Variants in STIMATE observed in about 807,000 individuals in gnomAD.
STIMATE encodes the protein STIM activating enhancer, also known as store-operated calcium entry regulator STIMATE.
In STIMATE, 15 loss-of-function variants were observed where a neutral mutation model predicts 36.7. That is an observed-to-expected ratio of 0.41 (90% CI 0.27 to 0.63). The LOEUF (loss-of-function observed/expected upper bound fraction) is 0.63. STIMATE is among the 20% of genes least tolerant of loss of function. The pLI is 0.32. For missense variants in STIMATE, 305 were observed against 397.3 expected, an observed-to-expected ratio of 0.77 and a Z score of 1.98; for synonymous variants, 163 against 162.3, an observed-to-expected ratio of 1.00 and a Z score of -0.03.
intron 1 of STIMATE, among the ~76,000 whole-genome samples, chr3:52,886,849 G>A (rs1265770415): frequency 6.6e-6 from 1 of 152,212 alleles, no homozygotes; most frequent in Non-Finnish European, 1.5e-5. Flanking sequence ...CACTGAGTAG[G>A]CCATGGCATC....
chr3:52,864,519 C>T (rs1477155949), intron 1 of STIMATE, among the ~76,000 whole-genome samples: 1 of 152,206 alleles, frequency 6.6e-6, no homozygotes, highest in Non-Finnish European at 1.5e-5. Flanking sequence ...ACATTTTCCC[C>T]ATGATCTTGG....
At chr3:52,861,531 T>G (rs931714573) in intron 1 of STIMATE, among the ~76,000 whole-genome samples, 2 of 152,196 alleles carry the variant, frequency 1.3e-5, no homozygotes, top group African/African-American at 2.4e-5. Context: ...ATGTGACTTT[T>G]GTATATCACA....
In STIMATE at chr3:52,840,571, C is replaced by G; in HGVS notation, c.808G>C (p.Val270Leu). The G allele has an allele frequency of 1.2e-6, 2 of 1,614,056 alleles. No homozygotes were observed. The highest frequency in any genetic ancestry group is 2.2e-5 in the East Asian group (1 of 44,864). Residue 270 changes from valine to leucine, a missense_variant, in exon 8 of 8, where the codon GTG becomes CTG. Around this residue, in one of 3 missense-constraint regions of STIMATE, gnomAD observed 84 missense variants for 82.4 expected, o/e 1.02. Coordinates refer to ENST00000355083, the MANE Select transcript of STIMATE (RefSeq NM_198563.5). ...SADDEMEESDVEEDLRRLTPL... is the reference protein window; with the variant it reads ...SADDEMEESDLEEDLRRLTPL... ...GTCAGTCTGCGGAGGTCCTCCTCCACGTCGGACTCCTCCATCTCATCATCC... is the reference window on the plus strand; with the variant it reads ...GTCAGTCTGCGGAGGTCCTCCTCCAGGTCGGACTCCTCCATCTCATCATCC...
At chr3:52,854,962 TAGGACCAAGAAAG>T (rs1701069144) in intron 2 of STIMATE, among the ~76,000 whole-genome samples, 1 of 152,344 alleles carries the variant, frequency 6.6e-6, no homozygotes, top group East Asian at 1.9e-4. Context: ...TCCTTTATGC[TAGGACCAAGAAAG>T]ACTCGTTTGG....
At chr3:52,870,547 C>T (rs1178465589) in intron 1 of STIMATE, among the ~76,000 whole-genome samples, 1 of 151,918 alleles carries the variant, frequency 6.6e-6, no homozygotes, top group Non-Finnish European at 1.5e-5. Context: ...GAGAGAAACA[C>T]GAAGCCATCA....
intron 1 of STIMATE, among the ~76,000 whole-genome samples, chr3:52,866,506 A>T (rs1701315627): frequency 6.6e-6 from 1 of 152,018 alleles, no homozygotes; most frequent in South Asian, 2.1e-4. Context: ...GGTGGTGCTC[A>T]CTCTCCCAGA....
chr3:52,891,965 G>A (rs1292708598), intron 1 of STIMATE, among the ~76,000 whole-genome samples: 3 of 152,176 alleles, frequency 2.0e-5, no homozygotes, highest in Admixed American at 6.5e-5. Flanking sequence ...TGTTACTGGG[G>A]AGAAAACTGA....
chr3:52,867,842 A>C (rs1285499103), intron 1 of STIMATE, among the ~76,000 whole-genome samples: 1 of 152,234 alleles, frequency 6.6e-6, no homozygotes, highest in East Asian at 1.9e-4. Context: ...GAATCACCCC[A>C]GCAGTTAGTA....
intron 3 of STIMATE, among the ~76,000 whole-genome samples, chr3:52,850,449 A>AAAAC (rs1700978577): frequency 6.6e-6 from 1 of 151,866 alleles, no homozygotes. Context: ...AAAACAAAAC[A>AAAAC]AAAACCTGCC....
At chr3:52,866,905 C>T (rs1701322971) in intron 1 of STIMATE, among the ~76,000 whole-genome samples, 1 of 152,160 alleles carries the variant, frequency 6.6e-6, no homozygotes, top group African/African-American at 2.4e-5. Context: ...AGATTAAACA[C>T]TCAATTTAAG....
At chr3:52,865,524 C>T (rs371903361) in intron 1 of STIMATE, among the ~76,000 whole-genome samples, 11 of 152,138 alleles carry the variant, frequency 7.2e-5, no homozygotes, top group Admixed American at 2.0e-4. Flanking sequence ...TTTTATATGG[C>T]GGCGGCAAGA....
chr3:52,860,810 G>C (rs1335242398), intron 1 of STIMATE, among the ~76,000 whole-genome samples: 1 of 152,248 alleles, frequency 6.6e-6, no homozygotes, highest in Non-Finnish European at 1.5e-5. Flanking sequence ...GGCTGGGGCT[G>C]ACTCGGGAGG....
intron 4 of STIMATE, chr3:52,847,101 G>T: frequency 1.9e-6 from 1 of 527,526 alleles, no homozygotes; most frequent in Non-Finnish European, 2.4e-6. Flanking sequence ...GTAGAGACGG[G>T]ATCTTGCTTT....
intron 1 of STIMATE, among the ~76,000 whole-genome samples, chr3:52,859,796 C>A (rs1443554587): frequency 1.3e-5 from 2 of 151,986 alleles, no homozygotes; most frequent in Non-Finnish European, 2.9e-5. Flanking sequence ...ACAAACCTAT[C>A]TCAGAGATTT....
At chr3:52,896,614 G>A (rs903939056) in intron 1 of STIMATE, among the ~76,000 whole-genome samples, 1 of 152,156 alleles carries the variant, frequency 6.6e-6, no homozygotes, top group South Asian at 2.1e-4. Flanking sequence ...TATAGATGCG[G>A]CTTATTAGGA....
chr3:52,881,646 G>A (rs1446140092), intron 1 of STIMATE, among the ~76,000 whole-genome samples: 1 of 152,112 alleles, frequency 6.6e-6, no homozygotes, highest in Non-Finnish European at 1.5e-5. Context: ...AGCTTGCAGT[G>A]AGCTGAGATT....
intron 1 of STIMATE, among the ~76,000 whole-genome samples, chr3:52,869,986 C>T (rs1420678323): frequency 6.6e-6 from 1 of 152,200 alleles, no homozygotes; most frequent in Admixed American, 6.5e-5. Context: ...TTGGCAAGCA[C>T]CATGCACATG....
intron 2 of STIMATE, 44 bp from the exon 3 acceptor site, chr3:52,852,742 G>T: frequency 6.2e-7 from 1 of 1,601,172 alleles, no homozygotes; most frequent in Non-Finnish European, 8.5e-7. Context: ...TGACAGGAGC[G>T]CAATATCCAA....
Position 52,865,442 on chromosome 3 carries a change from A to AAG in STIMATE, c.161-10000_161-9999dup, listed in dbSNP as rs568636765. Among the ~76,000 whole-genome samples, 1,087 of 152,314 alleles carry AAG rather than the reference A, an allele frequency of 7.1e-3. 113 individuals are homozygous for AAG. In the South Asian group the frequency reaches 0.2, roughly 28 times the overall value. ...AGATGCATCCAAGACTGGGAAGAAA[A>AAG]AGATTTAATTGGACTTATAGTTCCA... On this transcript the variant is annotated intron_variant, in intron 1 of 7. Coordinates refer to ENST00000355083, the MANE Select transcript of STIMATE (RefSeq NM_198563.5).
Sources: allele counts gnomAD v4.1 joint callset (sites outside exome capture counted in the v4.1 genomes callset), GRCh38; gene constraint gnomAD v4.1.1; regional missense constraint gnomAD v4.1.1; transcripts MANE v1.5; gene names NCBI Gene and HGNC (gene_info 2026-07-23, HGNC 2026-07-21).